AGBL3: variants seen among roughly 807,000 people sequenced by gnomAD.
AGBL3 encodes the protein AGBL carboxypeptidase 3, also known as cytosolic carboxypeptidase 3.
A neutral mutation model predicts 94.5 loss-of-function variants in AGBL3; 68 were observed. The observed-to-expected ratio is 0.72, with a 90% CI of 0.59 to 0.88. AGBL3 has a LOEUF of 0.88. Among genes scored for constraint, AGBL3 ranks in the 40% least tolerant of loss-of-function variants. The pLI is 0.00. For missense variants in AGBL3, 934 were observed against 1,103.8 expected (o/e 0.85, Z 2.18); for synonymous variants, 354 against 370.7 (o/e 0.95, Z 0.52).
intron 4 of AGBL3, among the ~76,000 whole-genome samples, chr7:134,994,971 C>G (rs1207459665): frequency 6.6e-6 from 1 of 152,172 alleles, no homozygotes; most frequent in East Asian, 1.9e-4. Flanking sequence ...CACCTCTCCT[C>G]TGCTACCACC....
intron 16 of AGBL3, chr7:135,129,349 T>G (rs4498486): frequency 0.51 from 519,432 of 1,018,446 alleles, 136,341 homozygotes; most frequent in South Asian, 0.66. Flanking sequence ...ATAGACTTAC[T>G]AAATGAATAC....
Position 135,044,156 on chromosome 7 carries a change from G to C in AGBL3, c.1627+5G>C, listed in dbSNP as rs1000195969. 2 of 1,544,214 alleles carry C rather than the reference G, an allele frequency of 1.3e-6. No homozygotes were observed. The highest frequency in any genetic ancestry group is 1.7e-6 in the Non-Finnish European group (2 of 1,143,266). ...CCTTCTGTGGATCTACTCTGGGTAA[G>C]ACCAAGGGTTCTCATTCACAGCTCT... is the stretch of plus-strand genomic sequence containing the variant. On this transcript the variant is annotated splice_donor_5th_base_variant and intron_variant, in intron 9 of 16. Coordinates refer to ENST00000436302, the MANE Select transcript of AGBL3 (RefSeq NM_178563.4).
At chr7:135,084,747 A>G (rs2116873562) in intron 15 of AGBL3, among the ~76,000 whole-genome samples, 1 of 152,132 alleles carries the variant, frequency 6.6e-6, no homozygotes, top group East Asian at 1.9e-4. Flanking sequence ...TCATCTGTTG[A>G]TGGACACTTA....
intron 5 of AGBL3, among the ~76,000 whole-genome samples, chr7:135,020,009 T>C (rs200783801): frequency 2.2e-4 from 33 of 152,130 alleles, no homozygotes; most frequent in Non-Finnish European, 2.6e-4. Flanking sequence ...TGGGCAAGGA[T>C]TTCATGTCTA....
At chr7:135,042,947 C>T (rs994491018) in intron 8 of AGBL3, among the ~76,000 whole-genome samples, 20 of 152,090 alleles carry the variant, frequency 1.3e-4, no homozygotes, top group African/African-American at 4.6e-4. Context: ...GAATGAAACA[C>T]AAAAAGTCAA....
intron 15 of AGBL3, among the ~76,000 whole-genome samples, chr7:135,114,577 C>G (rs898135188): frequency 1.3e-5 from 2 of 151,696 alleles, no homozygotes; most frequent in Admixed American, 6.6e-5. Context: ...ACCACTGATT[C>G]CTCTCTTATT....
At chr7:135,045,208 G>C (rs1202947951) in intron 9 of AGBL3, among the ~76,000 whole-genome samples, 1 of 151,766 alleles carries the variant, frequency 6.6e-6, no homozygotes, top group African/African-American at 2.4e-5. Flanking sequence ...TTTCTAACTG[G>C]CAACCAAATA....
At position 134,995,867 on chromosome 7, in the gene AGBL3, TG is replaced by T. The variant is rs1810947686; in HGVS notation, c.310+2191del. ...CCCCTGAAATTTTTGCAAGCTCTGC[TG>T]GTCCTCAAGCCAACTGGAACACCCA... On this transcript the variant is annotated intron_variant, in intron 4 of 16. Transcript: ENST00000436302. Among the ~76,000 whole-genome samples the T allele has an allele frequency of 2.6e-5, 4 of 152,340 alleles. No individual in the cohort carries two copies. The South Asian group carries it at 8.3e-4, about 32-fold the overall frequency.
intron 16 of AGBL3, among the ~76,000 whole-genome samples, chr7:135,130,765 T>C (rs1292769771): frequency 6.6e-6 from 1 of 152,198 alleles, no homozygotes; most frequent in Non-Finnish European, 1.5e-5. Context: ...AAAGGTCTTC[T>C]CTAACAAGCT....
chr7:135,070,719 C>T (rs937320753), intron 12 of AGBL3, among the ~76,000 whole-genome samples: 1 of 151,840 alleles, frequency 6.6e-6, no homozygotes, highest in African/African-American at 2.4e-5. Context: ...ATTGATGGGA[C>T]GTATCTCAAA....
intron 4 of AGBL3, among the ~76,000 whole-genome samples, chr7:135,014,382 G>C (rs1326995468): frequency 6.6e-6 from 1 of 151,618 alleles, no homozygotes; most frequent in Non-Finnish European, 1.5e-5. Context: ...TTCAGAAGGT[G>C]TTTTCTGGGA....
chr7:135,018,597 A>C (rs1814075335), intron 5 of AGBL3, among the ~76,000 whole-genome samples: 2 of 152,228 alleles, frequency 1.3e-5, no homozygotes, highest in Non-Finnish European at 1.5e-5. Context: ...ACAAGGTTTG[A>C]GGATGAAAAA....
intron 4 of AGBL3, chr7:135,012,569 A>G (rs1813291285): frequency 6.6e-6 from 1 of 152,108 alleles, no homozygotes; most frequent in Admixed American, 6.5e-5. Flanking sequence ...GATTTTTTTA[A>G]TGGGCACAAT....
At chr7:135,113,143 T>C (rs997926588) in intron 15 of AGBL3, among the ~76,000 whole-genome samples, 3 of 152,216 alleles carry the variant, frequency 2.0e-5, no homozygotes, top group Non-Finnish European at 4.4e-5. Context: ...ATAAGTTCAT[T>C]TCATTTGCCA....
At chr7:135,045,710 C>A in intron 10 of AGBL3, 89 bp from the exon 11 acceptor site, 2 of 1,316,632 alleles carry the variant, frequency 1.5e-6, no homozygotes, top group Non-Finnish European at 2.1e-6. Flanking sequence ...TTCCCAGTAA[C>A]AATTGTTCCA....
At chr7:134,993,444 G>C in intron 3 of AGBL3, 49 bp from the exon 4 acceptor site, 1 of 1,420,964 alleles carries the variant, frequency 7.0e-7, no homozygotes, top group South Asian at 1.5e-5. Flanking sequence ...TACAGGAGTT[G>C]GTATTTTTCT....
intron 16 of AGBL3, among the ~76,000 whole-genome samples, chr7:135,130,761 C>G (rs1828630138): frequency 6.6e-6 from 1 of 152,066 alleles, no homozygotes; most frequent in Non-Finnish European, 1.5e-5. Context: ...TTTTAAAGGT[C>G]TTCTCTAACA....
chr7:135,067,887 G>A (rs1342029875), intron 12 of AGBL3, among the ~76,000 whole-genome samples: 6 of 152,206 alleles, frequency 3.9e-5, no homozygotes, highest in Admixed American at 1.3e-4. Flanking sequence ...AAGCTGGATG[G>A]AAAATGACTG....
chr7:135,087,223 CT>C (rs1284362949), intron 15 of AGBL3, among the ~76,000 whole-genome samples: 3 of 151,462 alleles, frequency 2.0e-5, no homozygotes, highest in Non-Finnish European at 4.4e-5. Flanking sequence ...TGGGTCTTTT[CT>C]TTTTTTCTCT....
Sources: gnomAD v4.1 joint callset for allele counts (sites outside exome capture counted in the v4.1 genomes callset) on GRCh38, gnomAD v4.1.1 for gene constraint, MANE v1.5 for transcripts, NCBI Gene and HGNC (gene_info 2026-07-23, HGNC 2026-07-21) for gene names.